Variants in TMEM40 observed in about 807,000 individuals in gnomAD.
TMEM40 encodes transmembrane protein 40.
In TMEM40, 34 loss-of-function variants were observed where a neutral mutation model predicts 40.8. That is an observed-to-expected ratio of 0.83 (90% CI 0.63 to 1.11). The LOEUF (loss-of-function observed/expected upper bound fraction) is 1.11, where lower values mean the gene tolerates loss of function less well. Among genes scored for constraint, TMEM40 ranks in the 50% least tolerant of loss-of-function variants. The probability of loss-of-function intolerance (pLI) is 0.00; values close to 1 mark genes in which losing one functional copy is unlikely to be tolerated. For missense variants in TMEM40, 296 were observed against 280.2 expected, an observed-to-expected ratio of 1.06 and a Z score of -0.40; for synonymous variants, 106 against 107.0, an observed-to-expected ratio of 0.99 and a Z score of 0.06.
chr3:12,751,446 A>C (rs943521063), intron 1 of TMEM40, among the ~76,000 whole-genome samples: 1 of 151,018 alleles, frequency 6.6e-6, no homozygotes, highest in Non-Finnish European at 1.5e-5. Flanking sequence ...TGCTTGGCTA[A>C]TTTTTGTATT....
chr3:12,736,021 C>T (rs1391244080), intron 10 of TMEM40, among the ~76,000 whole-genome samples: 3 of 152,266 alleles, frequency 2.0e-5, no homozygotes, highest in Admixed American at 2.0e-4. Context: ...GCCCTGGGCC[C>T]GGCCTCTTTG....
At position 12,736,733 on chromosome 3, in the gene TMEM40, C is replaced by A. The variant is rs749045310; in HGVS notation, c.544+31G>T. The stretch of plus-strand genomic sequence containing the variant: ...CCCTGCACCACCCCATGCCATCCCC[C>A]TTGTGCATTCCCCAGGGCACCTCCC... On this transcript the variant is annotated intron_variant, in intron 9 of 11. Coordinates refer to ENST00000314124, the MANE Select transcript of TMEM40 (RefSeq NM_018306.4). The A allele has an allele frequency of 1.9e-6, 3 of 1,613,948 alleles. No homozygotes were observed. The African/African-American group carries it at 4.0e-5, about 22-fold the overall frequency.
chr3:12,743,802 C>T, intron 4 of TMEM40, 98 bp downstream of exon 4: 1 of 1,175,458 alleles, frequency 8.5e-7, no homozygotes, highest in Non-Finnish European at 1.2e-6. Context: ...TTTATCCTGC[C>T]ATAAACAATG....
In TMEM40 at chr3:12,753,211, C is replaced by CTTTTTTTT. The variant is rs56739791; in HGVS notation, c.-8-3379_-8-3372dup. Among the ~76,000 whole-genome samples, 293 of 76,312 alleles carry CTTTTTTTT rather than the reference C, an allele frequency of 3.8e-3. 1 individual carries two copies. Among genetic ancestry groups the CTTTTTTTT allele is most frequent in the Middle Eastern group, 9.3e-3 (1 of 108 alleles). The allele number at this position is 76,312 out of a possible 152,430, so 50.1% of individuals were successfully genotyped here. A position where few individuals can be genotyped will look rare whatever the true frequency, so the allele number is the denominator to read the frequency against. ...GCCTTTTTTCTTTCTTTCTTTCTTT[C>CTTTTTTTT]TTTTTTTTTTTTTTTTTTTTTTTTT... is the stretch of plus-strand genomic sequence containing the variant. On this transcript the variant is annotated intron_variant, in intron 1 of 11. Coordinates refer to ENST00000314124, the MANE Select transcript of TMEM40 (RefSeq NM_018306.4).
At chr3:12,747,252 C>T (rs2061436240) in intron 3 of TMEM40, among the ~76,000 whole-genome samples, 1 of 151,702 alleles carries the variant, frequency 6.6e-6, no homozygotes. Flanking sequence ...TCAAGCCCAC[C>T]ATAAAAGAGA....
intron 10 of TMEM40, among the ~76,000 whole-genome samples, 153 bp downstream of exon 10, chr3:12,736,425 C>T (rs2061337646): frequency 6.6e-6 from 1 of 152,180 alleles, no homozygotes; most frequent in Admixed American, 6.5e-5. Flanking sequence ...GCTGGGATTA[C>T]AGGCGTAAGC....
At chr3:12,735,403 A>C in intron 11 of TMEM40, 152 bp downstream of exon 11, 2 of 731,272 alleles carry the variant, frequency 2.7e-6, no homozygotes, top group South Asian at 3.3e-5. Context: ...CGGCTCATCC[A>C]GGGTCACAGA....
intron 1 of TMEM40, among the ~76,000 whole-genome samples, chr3:12,758,853 C>A (rs962641548): frequency 2.0e-5 from 3 of 152,122 alleles, no homozygotes; most frequent in Non-Finnish European, 4.4e-5. Flanking sequence ...CTAGCTGGAC[C>A]CTTCATTTTA....
rs1029805112 is a variant in TMEM40, at chr3:12,734,307, C to G, written c.*467G>C. The stretch of plus-strand genomic sequence containing the variant: ...AGCATCTTACCTGCATCAGGTTCAC[C>G]AAGGGGCCCCAGCCCGATGGCTCCC... On this transcript the variant is annotated 3_prime_UTR_variant, in exon 12 of 12. Transcript: ENST00000314124. 1 of 157,092 alleles carries G rather than the reference C, an allele frequency of 6.4e-6. No individual in the cohort carries two copies. Among genetic ancestry groups the G allele is most frequent in the Non-Finnish European group, 1.4e-5 (1 of 71,544 alleles). 9.7% of individuals were successfully genotyped at this position (157,092 alleles called of 1,614,324 possible).
At chr3:12,737,248 C>T (rs761624996) in intron 8 of TMEM40, among the ~76,000 whole-genome samples, 1 of 151,626 alleles carries the variant, frequency 6.6e-6, no homozygotes, top group Non-Finnish European at 1.5e-5. Context: ...CTCTTGCCCT[C>T]CCCTTCCTCC....
chr3:12,738,294 T>C (rs979175321), intron 6 of TMEM40, 126 bp from the exon 7 acceptor site: 2 of 1,127,862 alleles, frequency 1.8e-6, no homozygotes, highest in Non-Finnish European at 2.6e-6. Flanking sequence ...GCCCCCACGG[T>C]ATCCTTCTCT....
intron 7 of TMEM40, 182 bp downstream of exon 7, chr3:12,737,954 C>A: frequency 1.1e-6 from 1 of 951,942 alleles, no homozygotes; most frequent in Non-Finnish European, 1.6e-6. Flanking sequence ...TTCCTTAGGC[C>A]CGAGTCTGCC....
chr3:12,736,647 A>C lies in TMEM40; in HGVS notation c.550T>G (p.Phe184Val). The C allele has an allele frequency of 1.9e-6, 3 of 1,603,894 alleles. No individual in the cohort carries two copies. The highest frequency in any genetic ancestry group is 2.6e-6 in the Non-Finnish European group (3 of 1,174,976). Residue 184 changes from phenylalanine to valine, a missense_variant, in exon 10 of 12, where the codon TTC becomes GTC. By Grantham distance (50) the Phe-to-Val change is conservative. Transcript: ENST00000314124. ...LVCYHYYADW[F>V]MSLGVGLLTF... is the part of the protein sequence containing the mutation. The stretch of plus-strand genomic sequence containing the variant: ...AGCAGGCCGACCCCAAGAGACATGA[A>C]CCAGTCTGGAAGGGCAGTGAGGGAG...
At chr3:12,741,126 T>C (rs551279688) in intron 5 of TMEM40, 1 of 152,418 alleles carries the variant, frequency 6.6e-6, no homozygotes, top group South Asian at 2.1e-4. Context: ...TACACCTCGA[T>C]CCTTGGCTCC....
chr3:12,744,222 G>A (rs1464447166), intron 3 of TMEM40, among the ~76,000 whole-genome samples: 2 of 152,118 alleles, frequency 1.3e-5, no homozygotes, highest in Non-Finnish European at 2.9e-5. Flanking sequence ...TTCTGCTTCT[G>A]CCTTGCCTAC....
At chr3:12,747,276 G>C (rs774564309) in intron 3 of TMEM40, among the ~76,000 whole-genome samples, 1 of 151,788 alleles carries the variant, frequency 6.6e-6, no homozygotes, top group African/African-American at 2.4e-5. Flanking sequence ...TAGTGCAGGA[G>C]CTCTGGTTGA....
In TMEM40 at chr3:12,748,379, A is replaced by G. The variant is rs190437422; in HGVS notation, c.211+276T>C. ...GATGCAGCCACTTGAGGGGCTGTTC[A>G]GTAAACATTAAAAATAGCTACAGCG... On this transcript the variant is annotated intron_variant, in intron 3 of 11. Coordinates refer to ENST00000314124, the MANE Select transcript of TMEM40 (RefSeq NM_018306.4). Among the ~76,000 whole-genome samples the G allele has an allele frequency of 5.2e-3, 786 of 152,388 alleles. 4 individuals carry two copies. The highest frequency in any genetic ancestry group is 0.041 in the Middle Eastern group (12 of 294).
chr3:12,749,667 C>T (rs566676289), intron 2 of TMEM40, 93 bp downstream of exon 2: 26 of 1,129,202 alleles, frequency 2.3e-5, no homozygotes, highest in East Asian at 2.1e-4. Flanking sequence ...CCCTGTGCAA[C>T]GTGAGTTGAG....
At chr3:12,761,239 G>C (rs2061566630), upstream of TMEM40, among the ~76,000 whole-genome samples, 1 of 152,172 alleles carries the variant, frequency 6.6e-6, no homozygotes, top group South Asian at 2.1e-4. Flanking sequence ...AGAGAGGCAG[G>C]GCCTCAGCAG....
Sources: allele counts gnomAD v4.1 joint callset (sites outside exome capture counted in the v4.1 genomes callset), GRCh38; gene constraint gnomAD v4.1.1; transcripts MANE v1.5; gene names NCBI Gene and HGNC (gene_info 2026-07-23, HGNC 2026-07-21).